DCAF8L2: variants seen among roughly 807,000 people sequenced by gnomAD.
The protein encoded by DCAF8L2 is DDB1- and CUL4-associated factor 8-like protein 2.
For synonymous variants in DCAF8L2, 200 were observed against 190.9 expected, an observed-to-expected ratio of 1.05 and a Z score of -0.39; for missense variants, 430 against 490.7, an observed-to-expected ratio of 0.88 and a Z score of 1.17.
At chrX:27,524,504 A>G in the DCAF8L2 span, among the ~76,000 whole-genome samples, 1 of 110,290 alleles carries the variant, frequency 9.1e-6, no homozygotes, top group African/African-American at 3.3e-5. Context: ...TGATTTTTTG[A>G]AGGGTTTTTT....
intron 1 of DCAF8L2, among the ~76,000 whole-genome samples, 165 bp downstream of exon 1, chrX:27,590,605 A>G (rs941101549): frequency 9.0e-6 from 1 of 110,992 alleles, no homozygotes; most frequent in Non-Finnish European, 1.9e-5. Context: ...ATTTTACAGA[A>G]AATTTTACAG....
chrX:27,619,419 C>T (rs946230934), intron 1 of DCAF8L2, among the ~76,000 whole-genome samples: 1 of 110,454 alleles, frequency 9.1e-6, no homozygotes, highest in African/African-American at 3.3e-5. Flanking sequence ...GAGAGAGAGA[C>T]AGACAGACAG....
At chrX:27,674,896 T>C (rs1162279993) in intron 2 of DCAF8L2, among the ~76,000 whole-genome samples, 3 of 111,677 alleles carry the variant, frequency 2.7e-5, no homozygotes, top group African/African-American at 9.8e-5. Context: ...CATAGGACTT[T>C]CTGCTTTTTA....
At chrX:27,711,400 T>TGTAC in intron 3 of DCAF8L2, among the ~76,000 whole-genome samples, 1 of 43,062 alleles carries the variant, frequency 2.3e-5, no homozygotes, top group Non-Finnish European at 4.6e-5. Context: ...TGTGTGTACG[T>TGTAC]GTGTGTGTGT....
chrX:27,547,781 A>C, the DCAF8L2 span, among the ~76,000 whole-genome samples: 1 of 109,348 alleles, frequency 9.1e-6, no homozygotes, highest in African/African-American at 3.3e-5. Flanking sequence ...AAACATATCA[A>C]GATCTTTTGG....
intron 4 of DCAF8L2, among the ~76,000 whole-genome samples, chrX:27,719,062 C>T (rs1029329881): frequency 8.9e-6 from 1 of 111,770 alleles, no homozygotes; most frequent in Non-Finnish European, 1.9e-5. Context: ...TTTAATTTAT[C>T]TTGGGCAAAC....
intron 2 of DCAF8L2, among the ~76,000 whole-genome samples, chrX:27,668,702 C>G (rs1929828753): frequency 8.9e-6 from 1 of 112,051 alleles, no homozygotes; most frequent in Non-Finnish European, 1.9e-5. Context: ...CCCATAATCC[C>G]AGCACTTTGG....
At chrX:27,572,479 A>T in the DCAF8L2 span, among the ~76,000 whole-genome samples, 1 of 111,667 alleles carries the variant, frequency 9.0e-6, no homozygotes, top group Non-Finnish European at 1.9e-5. Context: ...TTAAAATGCA[A>T]TTTTTTCATC....
At chrX:27,741,599 C>T (rs763597868) in intron 4 of DCAF8L2, among the ~76,000 whole-genome samples, 1 of 111,785 alleles carries the variant, frequency 8.9e-6, no homozygotes, top group African/African-American at 3.3e-5. Context: ...GCTAATCAAG[C>T]CTTCTTCCTG....
rs748021210 is a variant in DCAF8L2 at position 27,747,048 on chromosome X, C to T, written c.153C>T (p.Thr51=). 1.7e-6 allele frequency: 2 copies of T among 1,171,827 alleles called. No homozygotes were observed. The highest frequency in any genetic ancestry group is 3.2e-5 in the East Asian group (1 of 31,325). The change falls in exon 5 of 5, where the codon ACC becomes ACT. Residue 51 remains threonine (T), a synonymous_variant. Transcript: ENST00000451261. ...CCTCAGAGCTGAGTGTGACAGTGAC[C>T]GGAGATGGCAGTGATAGCAGGGATG... ...IATSELSVTV[T]GDGSDSRDGG...
chrX:27,724,417 G>A (rs923578274), intron 4 of DCAF8L2, among the ~76,000 whole-genome samples: 3 of 110,569 alleles, frequency 2.7e-5, no homozygotes, highest in Non-Finnish European at 5.7e-5. Flanking sequence ...CTCTTCGTGG[G>A]GGAACAGTAT....
At chrX:27,507,750 A>G in the DCAF8L2 span, among the ~76,000 whole-genome samples, 1 of 111,536 alleles carries the variant, frequency 9.0e-6, no homozygotes, top group Non-Finnish European at 1.9e-5. Context: ...TAAAATTGAT[A>G]AATTGCCCTC....
At chrX:27,623,299 CTTG>C (rs1316578390) in intron 1 of DCAF8L2, among the ~76,000 whole-genome samples, 1 of 110,807 alleles carries the variant, frequency 9.0e-6, no homozygotes, top group African/African-American at 3.3e-5. Context: ...TAAAAGATTG[CTTG>C]TTGTTAGGAA....
chrX:27,613,842 G>A (rs1486778299), intron 1 of DCAF8L2, among the ~76,000 whole-genome samples: 1 of 111,321 alleles, frequency 9.0e-6, no homozygotes, highest in Non-Finnish European at 1.9e-5. Flanking sequence ...TGTGTTGCTG[G>A]ATTCGGTTTG....
At chrX:27,576,403 A>G in the DCAF8L2 span, among the ~76,000 whole-genome samples, 9 of 111,823 alleles carry the variant, frequency 8.0e-5, no homozygotes, top group South Asian at 1.5e-3. Context: ...CATTTTTTCT[A>G]CTCATACATC....
At chrX:27,521,786 G>T in the DCAF8L2 span, among the ~76,000 whole-genome samples, 1 of 111,294 alleles carries the variant, frequency 9.0e-6, no homozygotes, top group African/African-American at 3.3e-5. Context: ...TAGAAAATGC[G>T]TCTATATTTA....
At chrX:27,593,504 G>A (rs1391894064) in intron 1 of DCAF8L2, among the ~76,000 whole-genome samples, 2 of 111,649 alleles carry the variant, frequency 1.8e-5, no homozygotes, top group African/African-American at 3.3e-5. Context: ...TGGTTGTTGT[G>A]GAGTGTGCTG....
At chrX:27,588,657 T>G (rs988258444), upstream of DCAF8L2, among the ~76,000 whole-genome samples, 1 of 110,916 alleles carries the variant, frequency 9.0e-6, no homozygotes, top group Non-Finnish European at 1.9e-5. Flanking sequence ...GTTTTTTTAC[T>G]TTTTAACAGT....
At chrX:27,539,502 C>G in the DCAF8L2 span, among the ~76,000 whole-genome samples, 1 of 111,809 alleles carries the variant, frequency 8.9e-6, no homozygotes, top group African/African-American at 3.2e-5. Context: ...ACTTCCTAAC[C>G]TATCTTATTT....
Sources: allele counts gnomAD v4.1 joint callset (sites outside exome capture counted in the v4.1 genomes callset), GRCh38; gene constraint gnomAD v4.1.1; transcripts MANE v1.5; gene names NCBI Gene and HGNC (gene_info 2026-07-23, HGNC 2026-07-21).